STXBP6: variants seen among roughly 807,000 people sequenced by gnomAD.
STXBP6 encodes syntaxin binding protein 6, also known as syntaxin-binding protein 6.
STXBP6 carries 21 observed loss-of-function variants against 26.9 expected under a neutral mutation model. The observed-to-expected ratio is 0.78, with a 90% CI of 0.55 to 1.12. STXBP6 has a LOEUF of 1.12. Among genes scored for constraint, STXBP6 ranks in the 50% most tolerant of loss-of-function variants. The pLI, the probability that STXBP6 is intolerant of heterozygous loss-of-function variation, is 0.00. For missense variants in STXBP6, 232 were observed against 257.9 expected, an observed-to-expected ratio of 0.90 and a Z score of 0.69; for synonymous variants, 97 against 92.6, an observed-to-expected ratio of 1.05 and a Z score of -0.27.
At chr14:24,856,459 G>A (rs1486188855) in intron 3 of STXBP6, among the ~76,000 whole-genome samples, 1 of 152,074 alleles carries the variant, frequency 6.6e-6, no homozygotes, top group Non-Finnish European at 1.5e-5. Flanking sequence ...ACTTTGGTAG[G>A]AAGATTCCCT....
chr14:24,917,627 T>G (rs1011250019), intron 2 of STXBP6, among the ~76,000 whole-genome samples: 8 of 152,074 alleles, frequency 5.3e-5, no homozygotes, highest in Non-Finnish European at 7.4e-5. Context: ...TAGACATAAA[T>G]GTAAGGGCTA....
chr14:25,023,614 G>C (rs1312458105), intron 1 of STXBP6, among the ~76,000 whole-genome samples: 2 of 152,002 alleles, frequency 1.3e-5, no homozygotes, highest in Non-Finnish European at 2.9e-5. Context: ...TTTGAGACTA[G>C]CCTGGGCAAC....
chr14:24,994,513 T>G (rs1255613378), intron 1 of STXBP6, among the ~76,000 whole-genome samples: 1 of 152,186 alleles, frequency 6.6e-6, no homozygotes, highest in African/African-American at 2.4e-5. Context: ...CCCCTAACCA[T>G]CTCTGCTCCT....
intron 1 of STXBP6, among the ~76,000 whole-genome samples, chr14:25,005,886 C>T (rs540990223): frequency 4.9e-4 from 74 of 151,732 alleles, no homozygotes; most frequent in African/African-American, 1.5e-3. Context: ...TTTGGACAAT[C>T]GCACAGAGAC....
chr14:24,833,326 T>C (rs1054311649), intron 4 of STXBP6, among the ~76,000 whole-genome samples: 5 of 152,234 alleles, frequency 3.3e-5, no homozygotes, highest in Non-Finnish European at 1.5e-5. Flanking sequence ...AGAGGTATTC[T>C]ACCTATGTTC....
intron 2 of STXBP6, among the ~76,000 whole-genome samples, chr14:24,898,028 CATGT>C (rs1397030458): frequency 5.3e-5 from 8 of 152,162 alleles, no homozygotes; most frequent in Non-Finnish European, 8.8e-5. Flanking sequence ...TCTGTGTATG[CATGT>C]GTTTCTGTAC....
chr14:24,891,220 G>A (rs978216876), intron 2 of STXBP6, among the ~76,000 whole-genome samples: 2 of 152,102 alleles, frequency 1.3e-5, no homozygotes, highest in African/African-American at 2.4e-5. Context: ...TCCACAAACC[G>A]TGGAGTCCTC....
chr14:25,030,110 G>A (rs1269404051), intron 1 of STXBP6, among the ~76,000 whole-genome samples: 3 of 152,176 alleles, frequency 2.0e-5, no homozygotes, highest in African/African-American at 7.2e-5. Context: ...CTTTCAAGAA[G>A]GAAAATCAAA....
intron 1 of STXBP6, among the ~76,000 whole-genome samples, chr14:24,975,677 C>T (rs1183755040): frequency 2.0e-5 from 3 of 152,218 alleles, no homozygotes; most frequent in Non-Finnish European, 4.4e-5. Flanking sequence ...CGCTGACTCA[C>T]AGTGAGTTCC....
At chr14:24,990,815 T>C (rs1483757233) in intron 1 of STXBP6, among the ~76,000 whole-genome samples, 1 of 151,192 alleles carries the variant, frequency 6.6e-6, no homozygotes, top group African/African-American at 2.4e-5. Context: ...CAAAGAAAAC[T>C]GGTCTGTAGG....
chr14:24,913,977 C>T (rs2071665744), intron 2 of STXBP6, among the ~76,000 whole-genome samples: 1 of 152,170 alleles, frequency 6.6e-6, no homozygotes, highest in South Asian at 2.1e-4. Flanking sequence ...ATGTGTCATT[C>T]TCCAGCAACT....
chr14:24,948,265 C>T (rs2073056577), intron 2 of STXBP6, among the ~76,000 whole-genome samples: 1 of 152,036 alleles, frequency 6.6e-6, no homozygotes, highest in Non-Finnish European at 1.5e-5. Context: ...GGTGGCATTA[C>T]CTGGTACCTG....
intron 2 of STXBP6, among the ~76,000 whole-genome samples, chr14:24,907,086 T>C (rs373875440): frequency 5.3e-5 from 8 of 152,222 alleles, no homozygotes; most frequent in African/African-American, 1.9e-4. Flanking sequence ...GGAAGGAATA[T>C]GTTCTAGTGT....
At chr14:24,994,731 G>C (rs1191164810) in intron 1 of STXBP6, 5 of 152,230 alleles carry the variant, frequency 3.3e-5, no homozygotes, top group Non-Finnish European at 7.3e-5. Context: ...CTATATGGCC[G>C]AGTGTGGTGG....
At chr14:24,954,393 AG>A (rs759191084) in intron 2 of STXBP6, among the ~76,000 whole-genome samples, 6 of 152,140 alleles carry the variant, frequency 3.9e-5, no homozygotes, top group Non-Finnish European at 5.9e-5. Context: ...CTGAGAGAAA[AG>A]TCCCTTGAGG....
chr14:24,897,036 C>T (rs1319088169), intron 2 of STXBP6, among the ~76,000 whole-genome samples: 2 of 152,136 alleles, frequency 1.3e-5, no homozygotes, highest in Non-Finnish European at 2.9e-5. Flanking sequence ...TGGGAGGTTT[C>T]TGCAGAAAAG....
intron 2 of STXBP6, among the ~76,000 whole-genome samples, chr14:24,952,001 T>A (rs2073184764): frequency 6.6e-6 from 1 of 151,304 alleles, no homozygotes; most frequent in South Asian, 2.1e-4. Flanking sequence ...TTGATTGTGT[T>A]TTTAGCACAT....
chr14:24,979,778 C>T (rs1264388881), intron 1 of STXBP6, among the ~76,000 whole-genome samples: 1 of 152,156 alleles, frequency 6.6e-6, no homozygotes, highest in Non-Finnish European at 1.5e-5. Flanking sequence ...TCTAGACTAG[C>T]TTTTCTTCAT....
chr14:24,927,304 T>C (rs573932291), intron 2 of STXBP6, among the ~76,000 whole-genome samples: 1 of 152,324 alleles, frequency 6.6e-6, no homozygotes, highest in Admixed American at 6.5e-5. Flanking sequence ...CCCACCCTCC[T>C]GGGTGAGCAA....
Sources: allele counts gnomAD v4.1 joint callset (sites outside exome capture counted in the v4.1 genomes callset), GRCh38; gene constraint gnomAD v4.1.1; transcripts MANE v1.5; gene names NCBI Gene and HGNC (gene_info 2026-07-23, HGNC 2026-07-21).